TMPRSS9: variants seen among roughly 807,000 people sequenced by gnomAD.
TMPRSS9 encodes transmembrane serine protease 9, also known as transmembrane protease serine 9.
Under a neutral mutation model 111.4 loss-of-function variants are expected in TMPRSS9, and 113 were observed. The observed-to-expected ratio is 1.01, with a 90% confidence interval of 0.87 to 1.19. TMPRSS9 has a LOEUF of 1.19. Among genes scored for constraint, TMPRSS9 ranks in the 50% most tolerant of loss-of-function variants. TMPRSS9 has a pLI of 0.00. For missense variants in TMPRSS9, 1,803 were observed against 1,513.1 expected, an observed-to-expected ratio of 1.19 and a Z score of -3.18; for synonymous variants, 805 against 659.1, an observed-to-expected ratio of 1.22 and a Z score of -3.39.
At chr19:2,363,226 G>T (rs1272696344) in intron 1 of TMPRSS9, among the ~76,000 whole-genome samples, 1 of 152,224 alleles carries the variant, frequency 6.6e-6, no homozygotes, top group African/African-American at 2.4e-5. Context: ...TCCCTTTGCA[G>T]AATTTGGAAT....
At chr19:2,401,423 G>A (rs1735449200) in intron 4 of TMPRSS9, among the ~76,000 whole-genome samples, 1 of 152,154 alleles carries the variant, frequency 6.6e-6, no homozygotes, top group South Asian at 2.1e-4. Flanking sequence ...GCCTTGTGCA[G>A]TTTGGTGGCC....
At chr19:2,402,286 T>C (rs1290229032) in intron 5 of TMPRSS9, among the ~76,000 whole-genome samples, 1 of 151,690 alleles carries the variant, frequency 6.6e-6, no homozygotes, top group Admixed American at 6.6e-5. Context: ...TAAAAAATAA[T>C]AAAAATTAGC....
At chr19:2,418,006 C>T in exon 13 of TMPRSS9, 1 of 1,611,384 alleles carries the variant, frequency 6.2e-7, no homozygotes, top group Non-Finnish European at 8.5e-7. Flanking sequence ...TGGTAGCCAC[C>T]AAGCCCGAGC....
At chr19:2,389,365 G>T (rs969578721), upstream of TMPRSS9, among the ~76,000 whole-genome samples, 1 of 145,092 alleles carries the variant, frequency 6.9e-6, no homozygotes, top group Non-Finnish European at 1.5e-5. Context: ...ATAAGCCACC[G>T]CATCTGGTCT....
At chr19:2,361,643 G>A (rs1165941102) in intron 1 of TMPRSS9, among the ~76,000 whole-genome samples, 1 of 152,160 alleles carries the variant, frequency 6.6e-6, no homozygotes, top group Non-Finnish European at 1.5e-5. Context: ...CACATTCTGG[G>A]AATTAGGGCG....
chr19:2,385,055 G>A (rs956599341), upstream of TMPRSS9, among the ~76,000 whole-genome samples: 4 of 151,766 alleles, frequency 2.6e-5, no homozygotes, highest in African/African-American at 9.7e-5. Context: ...CAGCACTTTG[G>A]GAGGCCGAGG....
At chr19:2,418,313 C>CCTTTTCCTTT (rs1568189323) in intron 13 of TMPRSS9, among the ~76,000 whole-genome samples, 175 bp downstream of exon 14, 11 of 43,220 alleles carry the variant, frequency 2.5e-4, no homozygotes, top group African/African-American at 1.6e-3. Flanking sequence ...CCCTTTCCCT[C>CCTTTTCCTTT]CCTCCCTCCC....
exon 18 of TMPRSS9, chr19:2,425,952 G>A (rs779291263): frequency 1.2e-6 from 2 of 1,602,342 alleles, no homozygotes; most frequent in South Asian, 1.1e-5. Flanking sequence ...CCCCTGGCCT[G>A]CAGGGAGCCC....
chr19:2,404,003 A>AG (rs1568181260), intron 6 of TMPRSS9, among the ~76,000 whole-genome samples: 5 of 150,656 alleles, frequency 3.3e-5, no homozygotes, highest in Non-Finnish European at 7.4e-5. Context: ...AAAAAAAAAA[A>AG]AAAAAAGAAA....
At chr19:2,395,728 C>T (rs1317955704) in intron 1 of TMPRSS9, among the ~76,000 whole-genome samples, 1 of 151,870 alleles carries the variant, frequency 6.6e-6, no homozygotes, top group Non-Finnish European at 1.5e-5. Flanking sequence ...AACAAACAGG[C>T]CGGGTGTGGT....
At chr19:2,372,245 C>T (rs945494124) in intron 1 of TMPRSS9, among the ~76,000 whole-genome samples, 1 of 152,160 alleles carries the variant, frequency 6.6e-6, no homozygotes, top group Non-Finnish European at 1.5e-5. Flanking sequence ...GTCACGCAGG[C>T]GGGCGAGTCT....
At chr19:2,414,898 T>A (rs995103191) in intron 10 of TMPRSS9, among the ~76,000 whole-genome samples, 1 of 150,562 alleles carries the variant, frequency 6.6e-6, no homozygotes, top group Admixed American at 6.6e-5. Flanking sequence ...AGAAAACTTG[T>A]AGGACTATAT....
At chr19:2,361,890 C>T (rs984543855) in intron 1 of TMPRSS9, among the ~76,000 whole-genome samples, 3 of 152,148 alleles carry the variant, frequency 2.0e-5, no homozygotes, top group Admixed American at 6.6e-5. Flanking sequence ...AGGGATGCCC[C>T]GCAGGACACC....
chr19:2,416,749 A>C (rs1441846269), exon 12 of TMPRSS9: 1 of 1,612,894 alleles, frequency 6.2e-7, no homozygotes, highest in Admixed American at 1.7e-5. Context: ...GGCCATCCAG[A>C]AGTTCCCTGT....
At chr19:2,424,954 C>A (rs533247436) in intron 15 of TMPRSS9, 48 bp from the exon 17 acceptor site, 164 of 1,411,322 alleles carry the variant, frequency 1.2e-4, no homozygotes, top group Non-Finnish European at 1.4e-4. Flanking sequence ...GGGCGGGGGC[C>A]GGGGGCGTGG....
intron 10 of TMPRSS9, among the ~76,000 whole-genome samples, chr19:2,414,372 C>T (rs1249520643): frequency 4.0e-5 from 6 of 151,726 alleles, no homozygotes; most frequent in African/African-American, 9.7e-5. Context: ...CCTGAACAGC[C>T]GGGATTACAG....
intron 14 of TMPRSS9, 56 bp downstream of exon 15, chr19:2,422,303 T>C: frequency 6.8e-7 from 1 of 1,472,552 alleles, no homozygotes; most frequent in Admixed American, 2.4e-5. Context: ...TTAATCAGCC[T>C]GGGCTGCCTA....
intron 9 of TMPRSS9, among the ~76,000 whole-genome samples, chr19:2,413,260 A>G (rs1198350152): frequency 1.3e-5 from 2 of 152,258 alleles, no homozygotes; most frequent in African/African-American, 4.8e-5. Context: ...GGATATGGGA[A>G]GGTAAAAAAT....
At chr19:2,379,724 TTC>T (rs1970371424) in intron 1 of TMPRSS9, among the ~76,000 whole-genome samples, 1 of 149,824 alleles carries the variant, frequency 6.7e-6, no homozygotes, top group South Asian at 2.1e-4. Context: ...CTTCCTCTTT[TTC>T]TCTTTCTCTC....
Sources: allele counts gnomAD v4.1 joint callset (sites outside exome capture counted in the v4.1 genomes callset), GRCh38; gene constraint gnomAD v4.1.1; transcripts MANE v1.5; gene names NCBI Gene and HGNC (gene_info 2026-07-23, HGNC 2026-07-21).